The following PLXNA4 variants were observed in gnomAD, a reference collection of about 807,000 sequenced individuals.
PLXNA4 encodes plexin A4.
Under a neutral mutation model 191.8 loss-of-function variants are expected in PLXNA4, and 44 were observed. That is an observed-to-expected ratio of 0.23 (90% confidence interval 0.18 to 0.29). The LOEUF (loss-of-function observed/expected upper bound fraction) is 0.29. Ranked by LOEUF, PLXNA4 falls within the 10% of genes least tolerant of loss-of-function variation. The probability of loss-of-function intolerance (pLI) is 1.00; values close to 1 mark genes in which losing one functional copy is unlikely to be tolerated. For missense variants in PLXNA4, 1,800 were observed against 2,488.8 expected (o/e 0.72, Z 5.89); for synonymous variants, 1,082 against 1,009.5 (o/e 1.07, Z -1.36).
At chr7:132,169,148 A>G (rs1361102889) in intron 21 of PLXNA4, among the ~76,000 whole-genome samples, 1 of 152,224 alleles carries the variant, frequency 6.6e-6, no homozygotes, top group African/African-American at 2.4e-5. Context: ...GTTTATCCAC[A>G]TGATAAAAAG....
At chr7:132,391,042 C>A (rs1805388630) in intron 3 of PLXNA4, among the ~76,000 whole-genome samples, 1 of 152,212 alleles carries the variant, frequency 6.6e-6, no homozygotes, top group Non-Finnish European at 1.5e-5. Flanking sequence ...TTTGCCCCAT[C>A]CCTTTCGAGT....
chr7:132,524,539 T>C (rs1051967782), intron 1 of PLXNA4, among the ~76,000 whole-genome samples: 6 of 152,204 alleles, frequency 3.9e-5, no homozygotes, highest in Non-Finnish European at 8.8e-5. Flanking sequence ...TGAAGGAAAT[T>C]AGGCTGAAAT....
chr7:132,562,401 C>G (rs1397419731), intron 1 of PLXNA4, among the ~76,000 whole-genome samples: 5 of 131,054 alleles, frequency 3.8e-5, no homozygotes, highest in Non-Finnish European at 6.4e-5. Context: ...TTCTGCTGCT[C>G]CTCCTCCTTC....
At chr7:132,621,617 A>T (rs905461830) in intron 2 of PLXNA4, among the ~76,000 whole-genome samples, 8 of 152,124 alleles carry the variant, frequency 5.3e-5, no homozygotes. Context: ...CACCATATAC[A>T]TGGGCAAGTG....
At chr7:132,269,546 TG>T (rs2116316875) in intron 4 of PLXNA4, among the ~76,000 whole-genome samples, 1 of 152,302 alleles carries the variant, frequency 6.6e-6, no homozygotes, top group Admixed American at 6.5e-5. Flanking sequence ...AGGTTAGGCA[TG>T]TCTGAAAGAG....
intron 1 of PLXNA4, among the ~76,000 whole-genome samples, chr7:132,575,134 T>C (rs1335092267): frequency 6.6e-6 from 1 of 152,172 alleles, no homozygotes; most frequent in African/African-American, 2.4e-5. Flanking sequence ...CATGTTCTTC[T>C]CCCTATGACA....
At chr7:132,220,582 G>C (rs917836326) in intron 9 of PLXNA4, among the ~76,000 whole-genome samples, 4 of 152,046 alleles carry the variant, frequency 2.6e-5, no homozygotes, top group Admixed American at 1.3e-4. Context: ...CAAGAGCTTA[G>C]TACATACAGC....
intron 13 of PLXNA4, among the ~76,000 whole-genome samples, chr7:132,198,208 C>T (rs1461857951): frequency 6.6e-6 from 1 of 152,192 alleles, no homozygotes; most frequent in Non-Finnish European, 1.5e-5. Context: ...TGTTTTGTCT[C>T]CCCTCCATGC....
At chr7:132,166,886 T>C (rs1796139669) in intron 22 of PLXNA4, among the ~76,000 whole-genome samples, 1 of 152,118 alleles carries the variant, frequency 6.6e-6, no homozygotes, top group Non-Finnish European at 1.5e-5. Context: ...CTGGCTCTTA[T>C]ATGCAGCAGA....
chr7:132,182,335 A>C, intron 16 of PLXNA4, 145 bp from the exon 17 acceptor site: 3 of 1,359,582 alleles, frequency 2.2e-6, no homozygotes, highest in Non-Finnish European at 3.0e-6. Context: ...TGACAAGCTG[A>C]CTGCATAGTA....
At position 132,126,988 on chromosome 7, in the gene PLXNA4, A is replaced by C. The variant is rs2116471960; in HGVS notation, c.*3491T>G. The C allele has an allele frequency of 6.6e-6, 1 of 151,788 alleles. No homozygotes were observed. 9.4% of individuals were successfully genotyped at this position (151,788 alleles called of 1,614,324 possible). On this transcript the variant is annotated 3_prime_UTR_variant, in exon 32 of 32. Coordinates refer to ENST00000321063, the MANE Select transcript of PLXNA4 (RefSeq NM_020911.2). ...AATGTCAGGGTCTCTCCTTATGGGG[A>C]AGGACAAAGAATGGGTAAAAGCTGC...
At chr7:132,615,024 G>A (rs896660076) in intron 2 of PLXNA4, among the ~76,000 whole-genome samples, 1 of 152,060 alleles carries the variant, frequency 6.6e-6, no homozygotes, top group Non-Finnish European at 1.5e-5. Context: ...CCGAGCCCTC[G>A]CCCTCTTTCA....
At chr7:132,326,136 T>C (rs1048616340) in intron 3 of PLXNA4, among the ~76,000 whole-genome samples, 2 of 152,042 alleles carry the variant, frequency 1.3e-5, no homozygotes, top group African/African-American at 4.8e-5. Flanking sequence ...AGGGCCCGAA[T>C]AGAACAAAAA....
chr7:132,280,951 A>G (rs1800457148), intron 4 of PLXNA4, among the ~76,000 whole-genome samples: 1 of 151,940 alleles, frequency 6.6e-6, no homozygotes, highest in Admixed American at 6.6e-5. Context: ...TTAATAAATA[A>G]TATATATGTT....
At chr7:132,151,294 GAA>G (rs1795597334) in intron 25 of PLXNA4, among the ~76,000 whole-genome samples, 4 of 46,358 alleles carry the variant, frequency 8.6e-5, no homozygotes, top group Non-Finnish European at 1.8e-4. Flanking sequence ...GGAGGAGGAA[GAA>G]GAAGGAGGAG....
chr7:132,227,401 T>A (rs774061239), intron 7 of PLXNA4, 50 bp downstream of exon 7: 5 of 1,610,972 alleles, frequency 3.1e-6, no homozygotes, highest in Non-Finnish European at 4.2e-6. Flanking sequence ...GTTCTCCTTA[T>A]CTAGCCAGGA....
Position 132,562,107 on chromosome 7 carries a change from CTCCT to C in PLXNA4, c.-87+14311_-87+14314del, listed in dbSNP as rs148782932. The stretch of plus-strand genomic sequence containing the variant: ...CTCTCCCTCCTCCTTTCTCCTCCTC[CTCCT>C]TCTCTCCTTCTCCTCCTCCTTCTCT... On this transcript the variant is annotated intron_variant, in intron 1 of 31. Transcript: ENST00000321063. Among the ~76,000 whole-genome samples the C allele has an allele frequency of 2.3e-3, 263 of 113,326 alleles. 13 individuals are homozygous for C. Among genetic ancestry groups the C allele is most frequent in the African/African-American group, 0.01 (252 of 24,926 alleles). The allele number at this position is 113,326 out of a possible 152,430, so 74.3% of individuals were successfully genotyped here.
chr7:132,244,154 CCA>C (rs1464191336), intron 4 of PLXNA4, among the ~76,000 whole-genome samples: 1 of 152,150 alleles, frequency 6.6e-6, no homozygotes, highest in Middle Eastern at 3.2e-3. Flanking sequence ...GCTCTGCCCC[CCA>C]GTTTCCTGGG....
chr7:132,566,115 G>C (rs1585359959), intron 1 of PLXNA4, among the ~76,000 whole-genome samples: 1 of 152,154 alleles, frequency 6.6e-6, no homozygotes, highest in African/African-American at 2.4e-5. Context: ...GGGGAATTTT[G>C]TTAGTGTGTG....
Sources: allele counts gnomAD v4.1 joint callset (sites outside exome capture counted in the v4.1 genomes callset), GRCh38; gene constraint gnomAD v4.1.1; transcripts MANE v1.5; gene names NCBI Gene and HGNC (gene_info 2026-07-23, HGNC 2026-07-21).